The following PRKCA variants were observed in gnomAD, a reference collection of about 807,000 sequenced individuals.
The protein encoded by PRKCA is protein kinase C alpha type.
A neutral mutation model predicts 87.0 loss-of-function variants in PRKCA; 27 were observed. The ratio of observed to expected loss-of-function variants is 0.31; its 90% CI spans 0.23 to 0.43. The LOEUF is 0.43. Among genes scored for constraint, PRKCA ranks in the 20% least tolerant of loss-of-function variants. The pLI is 1.00. For synonymous variants in PRKCA, 329 were observed against 311.1 expected (o/e 1.06, Z -0.61); for missense variants, 518 against 852.3 (o/e 0.61, Z 4.88).
intron 3 of PRKCA, among the ~76,000 whole-genome samples, chr17:66,566,480 G>GTTTTTTTTTTTTTTTTTTT (rs56912157): frequency 2.1e-5 from 2 of 97,034 alleles, no homozygotes; most frequent in African/African-American, 3.7e-5. Context: ...TTGTTTTTTG[G>GTTTTTTTTTTTTTTTTTTT]TTTTTTTTTT....
chr17:66,726,785 C>T (rs1323413318), intron 8 of PRKCA, among the ~76,000 whole-genome samples: 1 of 151,636 alleles, frequency 6.6e-6, no homozygotes, highest in Non-Finnish European at 1.5e-5. Context: ...AGGGCAGTGG[C>T]ACGATCTTGG....
chr17:66,777,626 G>A (rs1476836025), intron 14 of PRKCA: 5 of 985,078 alleles, frequency 5.1e-6, no homozygotes, highest in Non-Finnish European at 6.0e-6. Context: ...TAAGAGTCCT[G>A]CTTTTCATGA....
chr17:66,679,052 C>T (rs1972415694), intron 5 of PRKCA, among the ~76,000 whole-genome samples: 1 of 152,134 alleles, frequency 6.6e-6, no homozygotes, highest in Non-Finnish European at 1.5e-5. Context: ...TTGATTCAGT[C>T]CCTGGCCTGT....
chr17:66,319,204 G>A (rs775559039), intron 2 of PRKCA, among the ~76,000 whole-genome samples: 12 of 152,084 alleles, frequency 7.9e-5, no homozygotes, highest in South Asian at 2.1e-4. Flanking sequence ...GAAATGTTGT[G>A]GAAGGATAAT....
intron 2 of PRKCA, among the ~76,000 whole-genome samples, chr17:66,453,571 G>C (rs1043573249): frequency 4.6e-5 from 7 of 152,042 alleles, no homozygotes; most frequent in African/African-American, 1.2e-4. Context: ...GCCCACCTCA[G>C]CCTCCCAAAG....
chr17:66,732,103 C>T (rs1973913320), intron 8 of PRKCA, among the ~76,000 whole-genome samples: 1 of 139,742 alleles, frequency 7.2e-6, no homozygotes. Flanking sequence ...GTGAGTTCAA[C>T]TCTTGATTTA....
intron 2 of PRKCA, among the ~76,000 whole-genome samples, chr17:66,390,038 A>G (rs919307713): frequency 6.6e-6 from 1 of 152,246 alleles, no homozygotes; most frequent in Non-Finnish European, 1.5e-5. Context: ...AGCCTGGCCA[A>G]CATGGTGAAA....
At chr17:66,517,997 G>A (rs181009129) in intron 3 of PRKCA, among the ~76,000 whole-genome samples, 2 of 152,196 alleles carry the variant, frequency 1.3e-5, no homozygotes, top group East Asian at 3.9e-4. Flanking sequence ...AACAAGGCAA[G>A]TTTTAAAAAT....
At chr17:66,485,035 G>C (rs911545079) in intron 2 of PRKCA, among the ~76,000 whole-genome samples, 8 of 152,110 alleles carry the variant, frequency 5.3e-5, no homozygotes, top group Non-Finnish European at 8.8e-5. Flanking sequence ...GGATGTGAGA[G>C]ACACCAGCTC....
rs1349191801 is a variant in PRKCA, at chr17:66,645,493, G to C, written c.511G>C (p.Glu171Gln). 1.9e-6 allele frequency: 3 copies of C among 1,614,216 alleles called. No homozygotes were observed. Among genetic ancestry groups the C allele is most frequent in the Non-Finnish European group, 2.5e-6 (3 of 1,180,036 alleles). The change falls in exon 5 of 17, where the codon GAA (glutamate) becomes CAA (glutamine). Residue 171 changes from glutamate (E) to glutamine (Q), a missense_variant. By Grantham distance (29) the Glu-to-Gln change is conservative. Around this residue, in one of 5 missense-constraint regions of PRKCA, gnomAD observed 300 missense variants for 496.8 expected, o/e 0.60. Coordinates refer to ENST00000413366, the MANE Select transcript of PRKCA (RefSeq NM_002737.3). ...RIYLKAEVADEKLHVTVRDAK... is the reference protein window; with the variant it reads ...RIYLKAEVADQKLHVTVRDAK... The stretch of plus-strand genomic sequence containing the variant: ...TTACCTAAAGGCTGAGGTTGCTGAT[G>C]AAAAGCTCCATGTCACAGGTAAGGC...
At chr17:66,395,844 C>A (rs1012702077) in intron 2 of PRKCA, among the ~76,000 whole-genome samples, 12 of 152,046 alleles carry the variant, frequency 7.9e-5, no homozygotes, top group African/African-American at 2.9e-4. Context: ...TGAGAGAAGG[C>A]TTTGGGGTTT....
intron 2 of PRKCA, among the ~76,000 whole-genome samples, chr17:66,437,423 C>T (rs1913455684): frequency 6.6e-6 from 1 of 152,212 alleles, no homozygotes; most frequent in South Asian, 2.1e-4. Context: ...GTTTCTTATT[C>T]ATACTGCTTC....
At chr17:66,429,060 A>T (rs548199367) in intron 2 of PRKCA, among the ~76,000 whole-genome samples, 1 of 151,880 alleles carries the variant, frequency 6.6e-6, no homozygotes, top group South Asian at 2.1e-4. Context: ...TCAGCAGGAG[A>T]TTTCTTTTTG....
rs78906254 is a variant in PRKCA, at chr17:66,805,218, A to G, written c.*1181A>G. Reference sequence around the variant, plus strand: ...GAATCAGGAAACCCGGATGCCTAACAGCTCAAAGATGTTTTGTTAATAGAA... The same window carrying G: ...GAATCAGGAAACCCGGATGCCTAACGGCTCAAAGATGTTTTGTTAATAGAA... On this transcript the variant is annotated 3_prime_UTR_variant, in exon 17 of 17. Transcript: ENST00000413366. The G allele has an allele frequency of 1.3e-3, 1,105 of 863,188 alleles. 12 individuals carry two copies. In the African/African-American group the frequency reaches 0.018, roughly 14 times the overall value. 53.5% of individuals were successfully genotyped at this position (863,188 alleles called of 1,614,324 possible).
chr17:66,374,334 G>A lies in PRKCA; in HGVS notation c.205+68207G>A, dbSNP rs369673776. 1.5e-3 allele frequency among the ~76,000 whole-genome samples: 223 copies of A among 152,268 alleles called. 1 individual carries two copies. The highest frequency in any genetic ancestry group is 4.4e-3 in the African/African-American group (182 of 41,552). On this transcript the variant is annotated intron_variant, in intron 2 of 16. Coordinates refer to ENST00000413366, the MANE Select transcript of PRKCA (RefSeq NM_002737.3). Reference sequence around the variant, plus strand: ...ACTGCTGTCTGTGGCTTCAGTCCCCGGTGGGGGAGCGCTGGGGTGTTCCGC... The same window carrying A: ...ACTGCTGTCTGTGGCTTCAGTCCCCAGTGGGGGAGCGCTGGGGTGTTCCGC...
rs1975405480 is a variant in PRKCA at position 66,786,752 on chromosome 17, G to A, written c.1606-115G>A. 4.3e-6 allele frequency: 3 copies of A among 702,976 alleles called. No homozygotes were observed. In the East Asian group the frequency reaches 8.0e-5, roughly 19 times the overall value. The allele number at this position is 702,976 out of a possible 1,614,324, so 43.5% of individuals were successfully genotyped here. ...GTTAGCTGAGCAAACTGTGCAGCCT[G>A]TGGTGGGGCTGAGAAACCTGGTCTG... On this transcript the variant is annotated intron_variant, in intron 14 of 16. Transcript: ENST00000413366.
chr17:66,464,004 C>T (rs745751862), intron 2 of PRKCA, among the ~76,000 whole-genome samples: 212 of 152,158 alleles, frequency 1.4e-3, no homozygotes, highest in Non-Finnish European at 2.8e-3. Flanking sequence ...TTTCACTGCC[C>T]TAAAGATCTT....
At chr17:66,798,433 GAC>G in intron 16 of PRKCA, among the ~76,000 whole-genome samples, 9 of 88,874 alleles carry the variant, frequency 1.0e-4, no homozygotes, top group Non-Finnish European at 1.6e-4. Flanking sequence ...TGGTGGTGGT[GAC>G]GGTGGTGGTG....
intron 3 of PRKCA, among the ~76,000 whole-genome samples, chr17:66,595,007 C>A (rs1431850680): frequency 2.0e-5 from 3 of 152,178 alleles, no homozygotes; most frequent in Non-Finnish European, 4.4e-5. Flanking sequence ...AAGAGACTGG[C>A]AGAAAACAAG....
Sources: allele counts gnomAD v4.1 joint callset (sites outside exome capture counted in the v4.1 genomes callset), GRCh38; gene constraint gnomAD v4.1.1; regional missense constraint gnomAD v4.1.1; transcripts MANE v1.5; gene names NCBI Gene and HGNC (gene_info 2026-07-23, HGNC 2026-07-21).